EXOC4: variants seen among roughly 807,000 people sequenced by gnomAD.
The protein encoded by EXOC4 is exocyst complex component 4, also known as SEC8-like 1.
A neutral mutation model predicts 107.2 loss-of-function variants in EXOC4; 71 were observed. The ratio of observed to expected loss-of-function variants is 0.66; its 90% CI spans 0.55 to 0.81. EXOC4 has a LOEUF of 0.81. Among genes scored for constraint, EXOC4 ranks in the 30% least tolerant of loss-of-function variants. The pLI is 0.00. For missense variants in EXOC4, 1,108 were observed against 1,189.6 expected (o/e 0.93, Z 1.01); for synonymous variants, 456 against 441.2 (o/e 1.03, Z -0.42).
chr7:133,803,650 C>T (rs1336394148), intron 10 of EXOC4, among the ~76,000 whole-genome samples: 4 of 152,188 alleles, frequency 2.6e-5, no homozygotes, highest in Non-Finnish European at 5.9e-5. Context: ...TAGATATTCA[C>T]TTGCAAGTAA....
chr7:133,802,849 C>CAA (rs59489161), intron 10 of EXOC4, among the ~76,000 whole-genome samples: 11 of 64,206 alleles, frequency 1.7e-4, no homozygotes, highest in Non-Finnish European at 2.9e-4. Flanking sequence ...TCTGTCTCCA[C>CAA]AAAAAAAAAA....
chr7:133,771,641 T>A (rs1450543710), intron 10 of EXOC4, among the ~76,000 whole-genome samples: 1 of 151,996 alleles, frequency 6.6e-6, no homozygotes, highest in African/African-American at 2.4e-5. Context: ...TTCATGGTTG[T>A]TTAGGAATAA....
At chr7:133,314,652 A>C (rs1794948869) in intron 4 of EXOC4, among the ~76,000 whole-genome samples, 1 of 152,210 alleles carries the variant, frequency 6.6e-6, no homozygotes, top group African/African-American at 2.4e-5. Context: ...CTGTGTTCAT[A>C]GAAGTGTGTA....
At chr7:133,708,691 A>G (rs1262343205) in intron 10 of EXOC4, among the ~76,000 whole-genome samples, 1 of 152,228 alleles carries the variant, frequency 6.6e-6, no homozygotes, top group Non-Finnish European at 1.5e-5. Context: ...ACTGAGTCTC[A>G]GTAAGTTGCT....
Position 133,537,300 on chromosome 7 carries a change from C to A in EXOC4, c.1417+57162C>A, listed in dbSNP as rs566653255. On this transcript the variant is annotated intron_variant, in intron 9 of 17. Coordinates refer to ENST00000253861, the MANE Select transcript of EXOC4 (RefSeq NM_021807.4). ...TGGGTAGTTGGGATTACAGGCACCC[C>A]CCCCCCCACCACACCTGACTAATTT... Among the ~76,000 whole-genome samples the A allele has an allele frequency of 1.3e-3, 197 of 148,376 alleles. 2 individuals are homozygous for A. The highest frequency in any genetic ancestry group is 4.8e-3 in the African/African-American group (190 of 39,456).
At chr7:133,989,930 G>A (rs1003564368) in intron 14 of EXOC4, among the ~76,000 whole-genome samples, 2 of 152,128 alleles carry the variant, frequency 1.3e-5, no homozygotes, top group African/African-American at 2.4e-5. Flanking sequence ...AAGTGGTACC[G>A]CAAGCTTCTT....
At chr7:133,370,621 C>T (rs545106712) in intron 6 of EXOC4, among the ~76,000 whole-genome samples, 9 of 152,246 alleles carry the variant, frequency 5.9e-5, no homozygotes, top group Admixed American at 5.9e-4. Context: ...ATCTTGGTAG[C>T]TACTTTTTTA....
chr7:133,483,515 T>C (rs1222186670), intron 9 of EXOC4, among the ~76,000 whole-genome samples: 1 of 152,200 alleles, frequency 6.6e-6, no homozygotes, highest in African/African-American at 2.4e-5. Flanking sequence ...TTTCCCATCC[T>C]TCAAAAAGTT....
chr7:133,559,945 G>A (rs1800775496), intron 9 of EXOC4, among the ~76,000 whole-genome samples: 1 of 152,084 alleles, frequency 6.6e-6, no homozygotes, highest in South Asian at 2.1e-4. Context: ...TGGATGAAAG[G>A]CTAATTCTTC....
chr7:133,994,668 GC>G (rs917033163), intron 14 of EXOC4, among the ~76,000 whole-genome samples: 2 of 152,048 alleles, frequency 1.3e-5, no homozygotes, highest in African/African-American at 2.4e-5. Flanking sequence ...CATATTTAAA[GC>G]CCAATACGCG....
At chr7:133,716,737 T>C (rs960984959) in intron 10 of EXOC4, among the ~76,000 whole-genome samples, 1 of 152,116 alleles carries the variant, frequency 6.6e-6, no homozygotes, top group Non-Finnish European at 1.5e-5. Flanking sequence ...GGTCAGGAGA[T>C]TGAGACCATC....
At chr7:133,547,124 G>T (rs1165925443) in intron 9 of EXOC4, among the ~76,000 whole-genome samples, 1 of 152,118 alleles carries the variant, frequency 6.6e-6, no homozygotes, top group East Asian at 1.9e-4. Context: ...AGGTATTCCA[G>T]GTTCAGTTCC....
intron 12 of EXOC4, among the ~76,000 whole-genome samples, chr7:133,903,194 G>A (rs1379705478): frequency 6.6e-6 from 1 of 152,214 alleles, no homozygotes; most frequent in Non-Finnish European, 1.5e-5. Flanking sequence ...GGGAATGGAG[G>A]TCTTGGTAAG....
chr7:133,787,173 C>CTTTTTTT, intron 10 of EXOC4, among the ~76,000 whole-genome samples: 1 of 133,146 alleles, frequency 7.5e-6, no homozygotes, highest in South Asian at 2.3e-4. Context: ...TTTTTCTTTT[C>CTTTTTTT]TTTTTTTTTT....
chr7:133,899,449 T>C (rs1430177262), intron 12 of EXOC4, among the ~76,000 whole-genome samples: 9 of 152,266 alleles, frequency 5.9e-5, no homozygotes, highest in Non-Finnish European at 4.4e-5. Context: ...TGAATAGTTT[T>C]CATCTGGAAG....
At chr7:133,708,833 C>CA in intron 10 of EXOC4, among the ~76,000 whole-genome samples, 1 of 152,240 alleles carries the variant, frequency 6.6e-6, no homozygotes, top group South Asian at 2.1e-4. Flanking sequence ...AAAGTGGTTT[C>CA]AAAAAACAAA....
At chr7:133,530,889 G>A (rs75811962) in intron 9 of EXOC4, among the ~76,000 whole-genome samples, 1 of 152,172 alleles carries the variant, frequency 6.6e-6, no homozygotes, top group African/African-American at 2.4e-5. Flanking sequence ...GATGGAGAGA[G>A]TGATGTCATA....
chr7:133,445,466 C>A (rs575737935), intron 7 of EXOC4, among the ~76,000 whole-genome samples: 67 of 152,268 alleles, frequency 4.4e-4, no homozygotes, highest in Non-Finnish European at 9.0e-4. Context: ...ATCTTAGAAT[C>A]CAAGGCTTTG....
intron 10 of EXOC4, among the ~76,000 whole-genome samples, chr7:133,640,278 A>T (rs9656424): frequency 0.42 from 64,492 of 152,006 alleles, 14,573 homozygotes; most frequent in Admixed American, 0.56. Flanking sequence ...GTTTAACTTC[A>T]TATAAATGGA....
Sources: allele counts gnomAD v4.1 joint callset (sites outside exome capture counted in the v4.1 genomes callset), GRCh38; gene constraint gnomAD v4.1.1; transcripts MANE v1.5; gene names NCBI Gene and HGNC (gene_info 2026-07-23, HGNC 2026-07-21).